ANKS1A: variants seen among roughly 807,000 people sequenced by gnomAD.
The protein encoded by ANKS1A is ankyrin repeat and sterile alpha motif domain containing 1A.
ANKS1A carries 55 observed loss-of-function variants against 120.3 expected under a neutral mutation model. That is an observed-to-expected ratio of 0.46 (90% CI 0.37 to 0.57). The LOEUF is 0.57. ANKS1A is among the 20% of genes least tolerant of loss of function. The pLI is 0.00. For synonymous variants in ANKS1A, 590 were observed against 604.7 expected, an observed-to-expected ratio of 0.98 and a Z score of 0.36; for missense variants, 1,123 against 1,480.3, an observed-to-expected ratio of 0.76 and a Z score of 3.96.
chr6:34,893,179 T>C (rs1254964584), intron 1 of ANKS1A, among the ~76,000 whole-genome samples: 9 of 152,232 alleles, frequency 5.9e-5, no homozygotes. Flanking sequence ...AGATAATGTG[T>C]GTACGGGACT....
rs1259835585 is a variant in ANKS1A, at chr6:35,050,268, CAA to C, written c.2011-3830_2011-3829del. Among the ~76,000 whole-genome samples, 2 of 152,120 alleles carry C rather than the reference CAA, an allele frequency of 1.3e-5. No homozygotes were observed. The highest frequency in any genetic ancestry group is 1.9e-4 in the East Asian group (1 of 5,192). ...AGTATTTCCAAGCATTTTTTGAAGACAAGAGTCCATTATGGTGATAACTTTCA... is the reference window on the plus strand; with the variant it reads ...AGTATTTCCAAGCATTTTTTGAAGACGAGTCCATTATGGTGATAACTTTCA... On this transcript the variant is annotated intron_variant, in intron 11 of 23. Transcript: ENST00000360359. The surrounding 1 kb of genome is among the most constrained non-coding windows in gnomAD (Gnocchi z 4.3).
At chr6:34,967,522 C>CA (rs10559753) in intron 2 of ANKS1A, among the ~76,000 whole-genome samples, 1,339 of 96,600 alleles carry the variant, frequency 0.014, 10 homozygotes, top group Middle Eastern at 0.029. Context: ...TCCATCTCCA[C>CA]AAAAAAAAAA....
intron 1 of ANKS1A, among the ~76,000 whole-genome samples, chr6:34,935,012 C>A (rs1769179724): frequency 6.6e-6 from 1 of 152,174 alleles, no homozygotes; most frequent in South Asian, 2.1e-4. Context: ...GTAAGAAAAT[C>A]ATTTTGAGTT....
intron 3 of ANKS1A, among the ~76,000 whole-genome samples, chr6:34,973,495 G>A (rs957411518): frequency 2.2e-4 from 33 of 152,120 alleles, no homozygotes; most frequent in African/African-American, 7.7e-4. Flanking sequence ...CGCTGGTTTT[G>A]GTCAAAGATT....
intron 17 of ANKS1A, among the ~76,000 whole-genome samples, chr6:35,081,924 G>T (rs1038662222): frequency 1.3e-5 from 2 of 152,168 alleles, no homozygotes; most frequent in African/African-American, 4.8e-5. Flanking sequence ...GTGAACTTCA[G>T]CTTCACCCCT....
At chr6:34,984,903 G>A (rs1410529102) in intron 7 of ANKS1A, among the ~76,000 whole-genome samples, 179 bp from the exon 8 acceptor site, 1 of 152,102 alleles carries the variant, frequency 6.6e-6, no homozygotes, top group Non-Finnish European at 1.5e-5. Context: ...AGATCTCAGG[G>A]TATAAAGAAC....
At chr6:35,039,666 C>G (rs1328761769) in intron 11 of ANKS1A, 1 of 455,710 alleles carries the variant, frequency 2.2e-6, no homozygotes, top group Non-Finnish European at 4.4e-6. Context: ...TGCACAGAAG[C>G]CATTCTCCTG....
chr6:34,981,138 T>C (rs1241875989), intron 3 of ANKS1A, among the ~76,000 whole-genome samples: 1 of 152,170 alleles, frequency 6.6e-6, no homozygotes, highest in African/African-American at 2.4e-5. Flanking sequence ...GGCTTTTGGC[T>C]GATACCTTGA....
intron 1 of ANKS1A, among the ~76,000 whole-genome samples, chr6:34,897,862 T>A (rs1767168541): frequency 6.6e-6 from 1 of 152,212 alleles, no homozygotes; most frequent in Non-Finnish European, 1.5e-5. Flanking sequence ...TTACCACTGA[T>A]CCAGGAAGCA....
chr6:34,942,535 G>A (rs1191227013), intron 1 of ANKS1A, among the ~76,000 whole-genome samples: 1 of 152,198 alleles, frequency 6.6e-6, no homozygotes, highest in Non-Finnish European at 1.5e-5. Context: ...GTGAGATTTT[G>A]ATTTTGTATG....
At chr6:35,016,935 C>T (rs1179329280) in intron 10 of ANKS1A, among the ~76,000 whole-genome samples, 8 of 87,372 alleles carry the variant, frequency 9.2e-5, no homozygotes, top group African/African-American at 2.4e-4. Context: ...ATCATGACCT[C>T]TTTTTTTTTT....
intron 3 of ANKS1A, among the ~76,000 whole-genome samples, chr6:34,975,017 GTTCTTGAAAGTACAT>G (rs1771483386): frequency 2.0e-5 from 3 of 152,144 alleles, no homozygotes; most frequent in Admixed American, 2.0e-4. Context: ...TAAGACTTTG[GTTCTTGAAAGTACAT>G]TTTCCTATCC....
chr6:35,039,192 CT>C (rs35565672), intron 11 of ANKS1A, among the ~76,000 whole-genome samples: 10,376 of 83,444 alleles, frequency 0.12, 286 homozygotes, highest in East Asian at 0.42. Context: ...CTCCCTCATA[CT>C]TTTTTTTTTT....
intron 6 of ANKS1A, 44 bp downstream of exon 6, chr6:34,983,258 A>G (rs1164724023): frequency 1.2e-6 from 2 of 1,612,240 alleles, no homozygotes; most frequent in Non-Finnish European, 1.7e-6. Flanking sequence ...GGACACACGA[A>G]TTGAACCAAG....
At chr6:35,013,560 G>T (rs949989889) in intron 10 of ANKS1A, among the ~76,000 whole-genome samples, 1 of 152,192 alleles carries the variant, frequency 6.6e-6, no homozygotes, top group African/African-American at 2.4e-5. Flanking sequence ...CTCCCAAAGC[G>T]TTGGGATTAC....
Position 35,078,661 on chromosome 6 carries a change from C to G in ANKS1A, c.2283+5C>G, listed in dbSNP as rs781769364. 18 of 1,600,444 alleles carry G rather than the reference C, an allele frequency of 1.1e-5. No individual in the cohort carries two copies. The African/African-American group carries it at 1.5e-4, about 13-fold the overall frequency. On this transcript the variant is annotated splice_donor_5th_base_variant and intron_variant, in intron 14 of 23. Transcript: ENST00000360359. ...GCGGCACGCTCCCTACCCAAGGTGA[C>G]CATCGCCGGCCCTGTAGCCTCAGCC...
At chr6:35,006,980 CACAAAAAAGAATAGAAAAAAG>C (rs1282385324) in intron 10 of ANKS1A, among the ~76,000 whole-genome samples, 1 of 151,684 alleles carries the variant, frequency 6.6e-6, no homozygotes, top group South Asian at 2.1e-4. Context: ...CCCTGTTCTC[CACAAAAAAGAATAGAAAAAAG>C]ACAAAAAAGA....
chr6:34,914,066 T>C (rs1372602925), intron 1 of ANKS1A, among the ~76,000 whole-genome samples: 1 of 152,108 alleles, frequency 6.6e-6, no homozygotes, highest in Non-Finnish European at 1.5e-5. Context: ...TACAGGTGCC[T>C]GCCACCACGC....
Position 34,982,602 on chromosome 6 carries a change from C to G in ANKS1A, c.733-150C>G. 1 of 826,536 alleles carries G rather than the reference C, an allele frequency of 1.2e-6. No individual in the cohort carries two copies. Among genetic ancestry groups the G allele is most frequent in the African/African-American group, 1.7e-5 (1 of 59,064 alleles). 51.2% of individuals were successfully genotyped at this position (826,536 alleles called of 1,614,324 possible). A position where few individuals can be genotyped will look rare whatever the true frequency, so the allele number is the denominator to read the frequency against. ...GGGCCATGATCGTGGTTTTGGAATCCACACAAGAAAAGCTGGAAAGATAAT... is the reference window on the plus strand; with the variant it reads ...GGGCCATGATCGTGGTTTTGGAATCGACACAAGAAAAGCTGGAAAGATAAT... On this transcript the variant is annotated intron_variant, in intron 4 of 23. Transcript: ENST00000360359. The surrounding 1 kb of genome is among the most constrained non-coding windows in gnomAD (Gnocchi z 4.9).
Sources: allele counts gnomAD v4.1 joint callset (sites outside exome capture counted in the v4.1 genomes callset), GRCh38; gene constraint gnomAD v4.1.1; non-coding constraint Gnocchi (gnomAD v3.1); transcripts MANE v1.5; gene names NCBI Gene and HGNC (gene_info 2026-07-23, HGNC 2026-07-21).